The following NUCKS1 variants were observed in gnomAD, a reference collection of about 807,000 sequenced individuals.
NUCKS1 encodes nuclear casein kinase and cyclin dependent kinase substrate 1.
A neutral mutation model predicts 33.0 loss-of-function variants in NUCKS1; 2 were observed. The ratio of observed to expected loss-of-function variants is 0.06; its 90% CI spans 0.02 to 0.19. The LOEUF is 0.19. Ranked by LOEUF, NUCKS1 falls within the 10% of genes least tolerant of loss-of-function variation. The pLI is 1.00. For missense variants in NUCKS1, 201 were observed against 293.6 expected (o/e 0.68, Z 2.31); for synonymous variants, 106 against 102.8 (o/e 1.03, Z -0.19).
intron 1 of NUCKS1, among the ~76,000 whole-genome samples, chr1:205,730,262 G>A (rs1166923305): frequency 6.6e-6 from 1 of 151,798 alleles, no homozygotes; most frequent in Admixed American, 6.6e-5. Flanking sequence ...GCCCAGGCTG[G>A]TCTCAAACTC....
At chr1:205,740,169 AT>A (rs1004165710) in intron 1 of NUCKS1, among the ~76,000 whole-genome samples, 3 of 149,240 alleles carry the variant, frequency 2.0e-5, no homozygotes, top group Non-Finnish European at 3.0e-5. Context: ...CAGCTGGCTA[AT>A]TTTTTTTTAA....
intron 2 of NUCKS1, among the ~76,000 whole-genome samples, chr1:205,728,850 G>C (rs1653839862): frequency 1.3e-5 from 2 of 152,108 alleles, no homozygotes. Flanking sequence ...TCTCATCTTA[G>C]TTGCTTTATT....
At chr1:205,727,891 G>T in intron 2 of NUCKS1, 86 bp from the exon 3 acceptor site, 1 of 919,024 alleles carries the variant, frequency 1.1e-6, no homozygotes, top group Non-Finnish European at 1.7e-6. Flanking sequence ...TATCTCTCAT[G>T]CTGTTTAAAT....
intron 1 of NUCKS1, among the ~76,000 whole-genome samples, chr1:205,748,189 A>T (rs1380738516): frequency 2.0e-5 from 3 of 152,232 alleles, no homozygotes; most frequent in Non-Finnish European, 4.4e-5. Context: ...CAAGTTTTCC[A>T]GTAAAAATGT....
rs373692632 is a variant in NUCKS1 at position 205,718,412 on chromosome 1, T to C, written c.600A>G (p.Glu200=). 1.2e-5 allele frequency: 20 copies of C among 1,613,158 alleles called. No homozygotes were observed. Among genetic ancestry groups the C allele is most frequent in the Non-Finnish European group, 1.6e-5 (19 of 1,179,976 alleles). ...CTTCTTCTTTGGGAGAAGGAGTCTT[T>C]TCCTTTGATGCCTTTGAAGCTGTGG... is the stretch of plus-strand genomic sequence containing the variant. The part of the protein sequence containing the change: ...GRPTASKASK[E]KTPSPKEEDE... Residue 200 remains glutamate (E), a synonymous_variant, in exon 7 of 7, where the codon GAA becomes GAG. Transcript: ENST00000367142.
intron 4 of NUCKS1, among the ~76,000 whole-genome samples, chr1:205,722,153 G>A (rs1671930091): frequency 6.6e-6 from 1 of 151,002 alleles, no homozygotes; most frequent in African/African-American, 2.4e-5. Flanking sequence ...TTGGCTCATT[G>A]CAGCCTGTGC....
In NUCKS1 at chr1:205,750,019, C is replaced by T. The variant is rs1273569407; in HGVS notation, c.-46G>A. On this transcript the variant is annotated 5_prime_UTR_variant, in exon 1 of 7. Coordinates refer to ENST00000367142, the MANE Select transcript of NUCKS1 (RefSeq NM_022731.5). ...CGAGTCGAGAAGCCAAAGACCAGGA[C>T]CCCCCCCACCCCGCGCGCTCGGCGC... 3.0e-6 allele frequency: 3 copies of T among 1,013,524 alleles called. No homozygotes were observed. Among genetic ancestry groups the T allele is most frequent in the Middle Eastern group, 3.2e-4 (1 of 3,094 alleles). 62.8% of individuals were successfully genotyped at this position (1,013,524 alleles called of 1,614,324 possible). A position where few individuals can be genotyped will look rare whatever the true frequency, so the allele number is the denominator to read the frequency against.
Position 205,718,200 on chromosome 1 carries a change from G to C in NUCKS1, c.*80C>G. ...CCAAAACCATGTTCTATCTTAAGTAGGTTCTTTTTTTTCCTCCCTCTTTTT... is the reference window on the plus strand; with the variant it reads ...CCAAAACCATGTTCTATCTTAAGTACGTTCTTTTTTTTCCTCCCTCTTTTT... On this transcript the variant is annotated 3_prime_UTR_variant, in exon 7 of 7. Coordinates refer to ENST00000367142, the MANE Select transcript of NUCKS1 (RefSeq NM_022731.5). The C allele has an allele frequency of 6.6e-7, 1 of 1,504,504 alleles. No homozygotes were observed. Among genetic ancestry groups the C allele is most frequent in the Non-Finnish European group, 8.8e-7 (1 of 1,138,868 alleles). The allele number at this position is 1,504,504 out of a possible 1,614,324, so 93.2% of individuals were successfully genotyped here.
rs1352107257 is a variant in NUCKS1, at chr1:205,715,660, G to A, written c.*2620C>T. ...AGTCAGCATAGCTGCTGAAATCTAC[G>A]TTGTAGAGGTAAACCTAGCAGAGCT... On this transcript the variant is annotated 3_prime_UTR_variant, in exon 7 of 7. Transcript: ENST00000367142. 6.6e-6 allele frequency: 1 copy of A among 152,226 alleles called. No individual in the cohort carries two copies. Among genetic ancestry groups the A allele is most frequent in the Admixed American group, 6.5e-5 (1 of 15,270 alleles). 9.4% of individuals were successfully genotyped at this position (152,226 alleles called of 1,614,324 possible). A position where few individuals can be genotyped will look rare whatever the true frequency, so the allele number is the denominator to read the frequency against.
Position 205,750,082 on chromosome 1 carries a change from T to G in NUCKS1, c.-109A>C. Reference sequence around the variant, plus strand: ...GAACTTCAGCCGATGGGACCGCTGCTGCCGAACCCCGAGCTGCTGGCTTCT... The same window carrying G: ...GAACTTCAGCCGATGGGACCGCTGCGGCCGAACCCCGAGCTGCTGGCTTCT... On this transcript the variant is annotated 5_prime_UTR_variant, in exon 1 of 7. Transcript: ENST00000367142. The G allele has an allele frequency of 3.2e-6, 3 of 946,712 alleles. No individual in the cohort carries two copies. The highest frequency in any genetic ancestry group is 4.4e-6 in the Non-Finnish European group (3 of 682,578). 58.6% of individuals were successfully genotyped at this position (946,712 alleles called of 1,614,324 possible).
chr1:205,735,546 CAG>C (rs1315745455), intron 1 of NUCKS1, among the ~76,000 whole-genome samples: 1 of 152,144 alleles, frequency 6.6e-6, no homozygotes, highest in Non-Finnish European at 1.5e-5. Context: ...TTCAATATAG[CAG>C]AGAGGTTAAA....
intron 1 of NUCKS1, among the ~76,000 whole-genome samples, chr1:205,749,613 G>A (rs988527040): frequency 3.3e-5 from 5 of 152,088 alleles, no homozygotes; most frequent in South Asian, 2.1e-4. Context: ...CGGCCCCGAG[G>A]AGGTGGGGCC....
At chr1:205,728,943 T>C (rs774236336) in intron 2 of NUCKS1, among the ~76,000 whole-genome samples, 3 of 151,200 alleles carry the variant, frequency 2.0e-5, no homozygotes, top group African/African-American at 2.4e-5. Flanking sequence ...CTGGGATTCA[T>C]AGGCGTGAGC....
intron 1 of NUCKS1, among the ~76,000 whole-genome samples, chr1:205,731,707 T>C (rs1189905820): frequency 3.3e-5 from 5 of 152,016 alleles, no homozygotes; most frequent in Non-Finnish European, 5.9e-5. Flanking sequence ...CTGGCCAACG[T>C]GGTGAAACCC....
chr1:205,749,995 G>C lies in NUCKS1; in HGVS notation c.-22C>G, dbSNP rs1236775660. Reference sequence around the variant, plus strand: ...ACATGTTCGCTGTCGAAACAGGACCGAGTCGAGAAGCCAAAGACCAGGACC... The same window carrying C: ...ACATGTTCGCTGTCGAAACAGGACCCAGTCGAGAAGCCAAAGACCAGGACC... On this transcript the variant is annotated 5_prime_UTR_variant, in exon 1 of 7. Transcript: ENST00000367142. 7 of 1,596,044 alleles carry C rather than the reference G, an allele frequency of 4.4e-6. No homozygotes were observed. The highest frequency in any genetic ancestry group is 5.1e-6 in the Non-Finnish European group (6 of 1,170,110).
At chr1:205,719,126 C>T (rs760458380) in intron 6 of NUCKS1, among the ~76,000 whole-genome samples, 4 of 152,168 alleles carry the variant, frequency 2.6e-5, no homozygotes, top group Non-Finnish European at 4.4e-5. Context: ...GAGTTCAGAA[C>T]GTGGAACTTA....
intron 1 of NUCKS1, among the ~76,000 whole-genome samples, chr1:205,749,081 C>A (rs114445995): frequency 2.6e-3 from 391 of 152,304 alleles, no homozygotes; most frequent in Non-Finnish European, 3.7e-3. Context: ...ACTAAAGTCA[C>A]TCGGGGACAA....
At chr1:205,732,299 T>C (rs1170485057) in intron 1 of NUCKS1, among the ~76,000 whole-genome samples, 1 of 152,216 alleles carries the variant, frequency 6.6e-6, no homozygotes, top group Non-Finnish European at 1.5e-5. Context: ...ATATGACTAT[T>C]AATTCCATGT....
intron 1 of NUCKS1, among the ~76,000 whole-genome samples, chr1:205,743,279 G>C (rs1326735301): frequency 1.3e-5 from 2 of 152,158 alleles, no homozygotes; most frequent in African/African-American, 4.8e-5. Context: ...GTGAGAAAAA[G>C]TTTTGAAAAT....
Sources: allele counts gnomAD v4.1 joint callset (sites outside exome capture counted in the v4.1 genomes callset), GRCh38; gene constraint gnomAD v4.1.1; transcripts MANE v1.5; gene names NCBI Gene and HGNC (gene_info 2026-07-23, HGNC 2026-07-21).